FAM227B: variants seen among roughly 807,000 people sequenced by gnomAD.
FAM227B encodes the protein family with sequence similarity 227 member B.
A neutral mutation model predicts 73.8 loss-of-function variants in FAM227B; 88 were observed. The ratio of observed to expected loss-of-function variants is 1.19; its 90% CI spans 1.00 to 1.42. The LOEUF (loss-of-function observed/expected upper bound fraction) is 1.42, where lower values mean the gene tolerates loss of function less well. FAM227B is among the 40% of genes most tolerant of loss of function. FAM227B has a pLI of 0.00. For missense variants in FAM227B, 632 were observed against 590.9 expected, an observed-to-expected ratio of 1.07 and a Z score of -0.72; for synonymous variants, 210 against 190.5, an observed-to-expected ratio of 1.10 and a Z score of -0.84.
intron 11 of FAM227B, among the ~76,000 whole-genome samples, chr15:49,503,926 G>A (rs1245533093): frequency 6.6e-6 from 1 of 152,076 alleles, no homozygotes; most frequent in Non-Finnish European, 1.5e-5. Flanking sequence ...CCATTACTGG[G>A]TATATACCCA....
rs1463701546 is a variant in FAM227B, at chr15:49,430,781, G to GT, written c.1013-59383dup. On this transcript the variant is annotated intron_variant, in intron 11 of 15. Coordinates refer to ENST00000299338, the MANE Select transcript of FAM227B (RefSeq NM_152647.3). ...AAAATGACATTAATCTATTCAGGAG[G>GT]TTGAAGCCTTCATGGCCTAATCACC... is the stretch of plus-strand genomic sequence containing the variant. 4.0e-5 allele frequency among the ~76,000 whole-genome samples: 6 copies of GT among 151,780 alleles called. No homozygotes were observed. The East Asian group carries it at 9.8e-4, about 25-fold the overall frequency.
intron 11 of FAM227B, among the ~76,000 whole-genome samples, chr15:49,492,619 C>T (rs2057220105): frequency 6.6e-6 from 1 of 151,870 alleles, no homozygotes; most frequent in African/African-American, 2.4e-5. Context: ...TCCTAATTAT[C>T]TCCATTCACT....
At chr15:49,456,847 A>C (rs2053342226) in intron 11 of FAM227B, among the ~76,000 whole-genome samples, 1 of 152,150 alleles carries the variant, frequency 6.6e-6, no homozygotes. Context: ...AACTTTGTTG[A>C]TGAAAAATAA....
chr15:49,613,767 TTAAAAA>T (rs202070600), intron 2 of FAM227B, among the ~76,000 whole-genome samples: 47 of 152,160 alleles, frequency 3.1e-4, no homozygotes, highest in East Asian at 2.9e-3. Context: ...TGATGTACCC[TTAAAAA>T]TTAAAAATAA....
intron 13 of FAM227B, among the ~76,000 whole-genome samples, chr15:49,340,382 T>TC (rs1596305583): frequency 6.7e-6 from 1 of 150,034 alleles, no homozygotes; most frequent in African/African-American, 2.5e-5. Flanking sequence ...CCCTTGTGCT[T>TC]CCTGGGTGAG....
intron 10 of FAM227B, among the ~76,000 whole-genome samples, chr15:49,509,320 T>C (rs372539083): frequency 6.8e-4 from 103 of 152,260 alleles, no homozygotes; most frequent in African/African-American, 2.4e-3. Context: ...GCAGTCCTTC[T>C]AGGGTCATCA....
intron 11 of FAM227B, among the ~76,000 whole-genome samples, chr15:49,425,761 T>C (rs894962108): frequency 1.3e-5 from 2 of 151,824 alleles, no homozygotes; most frequent in Admixed American, 6.6e-5. Flanking sequence ...ATAATTGATA[T>C]AGAATGTTAA....
rs573587809 is a variant in FAM227B, at chr15:49,391,581, C to T, written c.1013-20182G>A. On this transcript the variant is annotated intron_variant, in intron 11 of 15. Coordinates refer to ENST00000299338, the MANE Select transcript of FAM227B (RefSeq NM_152647.3). ...TTCTTTGTTCTAAATTTTTTCCTGACGGGCCTGGAGAGAGTAATGCCCACA... is the reference window on the plus strand; with the variant it reads ...TTCTTTGTTCTAAATTTTTTCCTGATGGGCCTGGAGAGAGTAATGCCCACA... 1.0e-3 allele frequency among the ~76,000 whole-genome samples: 153 copies of T among 152,166 alleles called. No homozygotes were observed. The South Asian group carries it at 0.017, about 17-fold the overall frequency.
rs552529114 is a variant in FAM227B, at chr15:49,518,555, G to C, written c.875-10207C>G. Reference sequence around the variant, plus strand: ...CGCACAATCATGGCAGAAGGCAAAGGAGGAGCAAAACTAGGTCTTACCTGG... The same window carrying C: ...CGCACAATCATGGCAGAAGGCAAAGCAGGAGCAAAACTAGGTCTTACCTGG... On this transcript the variant is annotated intron_variant, in intron 10 of 15. Transcript: ENST00000299338. Among the ~76,000 whole-genome samples, 9 of 152,260 alleles carry C rather than the reference G, an allele frequency of 5.9e-5. No individual in the cohort carries two copies. In the South Asian group the frequency reaches 1.7e-3, roughly 28 times the overall value.
At chr15:49,387,487 A>G (rs11639490) in intron 11 of FAM227B, among the ~76,000 whole-genome samples, 8 of 151,828 alleles carry the variant, frequency 5.3e-5, no homozygotes, top group Non-Finnish European at 1.0e-4. Flanking sequence ...TATCAAAATA[A>G]TAAAATCCAT....
chr15:49,375,871 G>T (rs928645592), intron 11 of FAM227B, among the ~76,000 whole-genome samples: 1 of 152,054 alleles, frequency 6.6e-6, no homozygotes, highest in East Asian at 1.9e-4. Flanking sequence ...AATAAAATTA[G>T]AAGGAATTGA....
At chr15:49,542,993 T>C (rs1351215595) in intron 9 of FAM227B, among the ~76,000 whole-genome samples, 1 of 152,102 alleles carries the variant, frequency 6.6e-6, no homozygotes, top group Admixed American at 6.6e-5. Flanking sequence ...CTTTTTCATA[T>C]AATGTCTTCT....
intron 10 of FAM227B, among the ~76,000 whole-genome samples, chr15:49,526,434 A>C (rs1366403070): frequency 2.0e-5 from 3 of 152,104 alleles, no homozygotes; most frequent in Non-Finnish European, 2.9e-5. Context: ...TTAAATGCCA[A>C]CATCAAAAAT....
intron 11 of FAM227B, chr15:49,485,916 T>C (rs1304899991): frequency 6.6e-6 from 1 of 152,040 alleles, no homozygotes; most frequent in African/African-American, 2.4e-5. Context: ...TCCTGTTAGA[T>C]GGCAAGAGCA....
chr15:49,393,677 C>A (rs2151583774), intron 11 of FAM227B, among the ~76,000 whole-genome samples: 1 of 152,160 alleles, frequency 6.6e-6, no homozygotes, highest in South Asian at 2.1e-4. Flanking sequence ...TCTTACAAGG[C>A]TGGTCATTCC....
chr15:49,576,607 T>C, intron 7 of FAM227B, 134 bp downstream of exon 7: 1 of 616,620 alleles, frequency 1.6e-6, no homozygotes. Flanking sequence ...ATCACTGGTC[T>C]TTCCTGCCAA....
At chr15:49,396,686 A>AC (rs2047678021) in intron 11 of FAM227B, among the ~76,000 whole-genome samples, 1 of 150,936 alleles carries the variant, frequency 6.6e-6, no homozygotes, top group Non-Finnish European at 1.5e-5. Flanking sequence ...TGGGTCCCTG[A>AC]CCCCTGACCC....
chr15:49,537,023 TATC>T (rs1309149035), intron 10 of FAM227B, among the ~76,000 whole-genome samples: 1 of 152,108 alleles, frequency 6.6e-6, no homozygotes, highest in Non-Finnish European at 1.5e-5. Flanking sequence ...AATATTTGGA[TATC>T]ATACCAATAG....
chr15:49,476,648 T>G (rs2055347738), intron 11 of FAM227B, among the ~76,000 whole-genome samples: 1 of 152,192 alleles, frequency 6.6e-6, no homozygotes, highest in African/African-American at 2.4e-5. Context: ...AAATAAATAA[T>G]GTAAAATGTC....
Sources: gnomAD v4.1 joint callset for allele counts (sites outside exome capture counted in the v4.1 genomes callset) on GRCh38, gnomAD v4.1.1 for gene constraint, MANE v1.5 for transcripts, NCBI Gene and HGNC (gene_info 2026-07-23, HGNC 2026-07-21) for gene names.